Variants in VWA5A observed in about 807,000 individuals in gnomAD.
The protein encoded by VWA5A is von Willebrand factor A domain containing 5A.
In VWA5A, 77 loss-of-function variants were observed where a neutral mutation model predicts 84.6. The ratio of observed to expected loss-of-function variants is 0.91; its 90% CI spans 0.76 to 1.10. The LOEUF is 1.10. Ranked by LOEUF, VWA5A falls within the 50% of genes least tolerant of loss-of-function variation. The pLI, the probability that VWA5A is intolerant of heterozygous loss-of-function variation, is 0.00. For missense variants in VWA5A, 973 were observed against 963.0 expected, an observed-to-expected ratio of 1.01 and a Z score of -0.14; for synonymous variants, 334 against 350.1, an observed-to-expected ratio of 0.95 and a Z score of 0.51.
intron 15 of VWA5A, among the ~76,000 whole-genome samples, chr11:124,140,529 T>C (rs7130662): frequency 0.16 from 24,569 of 152,034 alleles, 2,278 homozygotes; most frequent in African/African-American, 0.27. Flanking sequence ...AGTAGTGTGA[T>C]TGTAGTTCAC....
At position 124,123,001 on chromosome 11, in the gene VWA5A, C is replaced by G. The variant is rs1449011276; in HGVS notation, c.802C>G (p.Pro268Ala). The G allele has an allele frequency of 6.2e-7, 1 of 1,614,040 alleles. No homozygotes were observed. The change falls in exon 8 of 19, where the codon CCA becomes GCA. Residue 268 changes from proline to alanine, a missense_variant. Pro to Ala is a conservative substitution (Grantham distance 27, BLOSUM62 -1). Coordinates refer to ENST00000456829, the MANE Select transcript of VWA5A (RefSeq NM_001130142.2). ...GDPSAMVSFYPNIPEDQPSNT... is the reference protein window; with the variant it reads ...GDPSAMVSFYANIPEDQPSNT... ...TCCATCTGCAATGGTGAGTTTCTAT[C>G]CAAATATCCCAGAAGATCAACCATC...
rs935345323 is a variant in VWA5A at position 124,141,887 on chromosome 11, C to T, written c.2023+146C>T. 5.8e-6 allele frequency: 7 copies of T among 1,199,732 alleles called. No homozygotes were observed. In the African/African-American group the frequency reaches 6.2e-5, roughly 11 times the overall value. 74.3% of individuals were successfully genotyped at this position (1,199,732 alleles called of 1,614,324 possible). On this transcript the variant is annotated intron_variant, in intron 16 of 18. Coordinates refer to ENST00000456829, the MANE Select transcript of VWA5A (RefSeq NM_001130142.2). ...CCCCATGCATTGGAAAAGATTCATT[C>T]CTCCACCCACAGAACCAGCCTGGAA... is the stretch of plus-strand genomic sequence containing the variant.
intron 11 of VWA5A, among the ~76,000 whole-genome samples, chr11:124,128,918 A>G (rs551143815): frequency 6.6e-6 from 1 of 152,352 alleles, no homozygotes; most frequent in Non-Finnish European, 1.5e-5. Flanking sequence ...CAATAATGTC[A>G]TCTGCAAACA....
chr11:124,137,343 AG>A (rs1357002530), intron 15 of VWA5A, 75 bp downstream of exon 15: 2 of 1,532,348 alleles, frequency 1.3e-6, no homozygotes, highest in African/African-American at 1.4e-5. Flanking sequence ...TTTAAAGGAA[AG>A]GGCTGTGAAA....
In VWA5A at chr11:124,141,205, T is replaced by C. The variant is rs572561065; in HGVS notation, c.1880-393T>C. Among the ~76,000 whole-genome samples, 10 of 152,314 alleles carry C rather than the reference T, an allele frequency of 6.6e-5. No individual in the cohort carries two copies. In the South Asian group the frequency reaches 1.0e-3, roughly 16 times the overall value. ...CGCATTTAATGATCTGGATGCAGCATCAGGGACTGAAGAGGTTGCCAACCC... is the reference window on the plus strand; with the variant it reads ...CGCATTTAATGATCTGGATGCAGCACCAGGGACTGAAGAGGTTGCCAACCC... On this transcript the variant is annotated intron_variant, in intron 15 of 18. Coordinates refer to ENST00000456829, the MANE Select transcript of VWA5A (RefSeq NM_001130142.2).
chr11:124,137,298 A>T, intron 15 of VWA5A, 30 bp downstream of exon 15: 1 of 1,600,706 alleles, frequency 6.2e-7, no homozygotes, highest in Non-Finnish European at 8.5e-7. Flanking sequence ...TCAAACTCAT[A>T]TAGAATAAAA....
intron 11 of VWA5A, among the ~76,000 whole-genome samples, chr11:124,125,935 T>G (rs1865012729): frequency 6.6e-6 from 1 of 152,208 alleles, no homozygotes; most frequent in Non-Finnish European, 1.5e-5. Flanking sequence ...CTATCCAAAG[T>G]TTCGTATTTT....
At chr11:124,118,450 C>A in intron 5 of VWA5A, 39 bp downstream of exon 5, 2 of 1,611,118 alleles carry the variant, frequency 1.2e-6, no homozygotes, top group Non-Finnish European at 8.5e-7. Context: ...TGGTGGGTGA[C>A]ATAAATGGGG....
chr11:124,136,766 C>CTCCT, intron 14 of VWA5A, 92 bp downstream of exon 14: 1 of 854,936 alleles, frequency 1.2e-6, no homozygotes, highest in East Asian at 3.0e-5. Context: ...CCCTCCCTCC[C>CTCCT]TCCCTCCCTC....
chr11:124,145,820 C>T, intron 18 of VWA5A, 46 bp from the exon 19 acceptor site: 1 of 1,545,596 alleles, frequency 6.5e-7, no homozygotes, highest in Non-Finnish European at 8.8e-7. Context: ...GGAGGAGCCT[C>T]TAATTGCAAT....
intron 11 of VWA5A, among the ~76,000 whole-genome samples, chr11:124,133,000 TA>T (rs1865120422): frequency 6.6e-6 from 1 of 152,240 alleles, no homozygotes; most frequent in African/African-American, 2.4e-5. Context: ...TAAGCTTGTA[TA>T]ATTCACAAGT....
chr11:124,123,396 C>T lies in VWA5A; in HGVS notation c.961C>T (p.Pro321Ser). ...ETLILLLKSL[P>S]IGCYFNIYGF... is the part of the protein sequence containing the mutation. The stretch of plus-strand genomic sequence containing the variant: ...ACTGATTTTGCTGCTGAAGAGTTTA[C>T]CTATAGGCTGTTATTTCAACATCTA... Residue 321 changes from proline to serine, a missense_variant, in exon 9 of 19, where the codon CCT (proline) becomes TCT (serine). Physicochemically the swap from Pro to Ser is moderately conservative, Grantham distance 74 (BLOSUM62 -1). Transcript: ENST00000456829. 1.2e-6 allele frequency: 2 copies of T among 1,613,980 alleles called. No individual in the cohort carries two copies. The highest frequency in any genetic ancestry group is 1.7e-6 in the Non-Finnish European group (2 of 1,179,992).
chr11:124,136,960 CTGGTATAT>C, intron 14 of VWA5A, 47 bp from the exon 15 acceptor site: 2 of 1,568,560 alleles, frequency 1.3e-6, no homozygotes, highest in Non-Finnish European at 1.7e-6. Flanking sequence ...CCCTGAGAAA[CTGGTATAT>C]GGATGTCTTT....
At chr11:124,138,862 A>G (rs756461555) in intron 15 of VWA5A, among the ~76,000 whole-genome samples, 4 of 152,282 alleles carry the variant, frequency 2.6e-5, no homozygotes, top group Middle Eastern at 3.4e-3. Flanking sequence ...GACCAATGTC[A>G]TAGATATTTT....
chr11:124,120,317 T>C (rs1864911714), intron 7 of VWA5A, among the ~76,000 whole-genome samples: 1 of 152,252 alleles, frequency 6.6e-6, no homozygotes, highest in Admixed American at 6.5e-5. Context: ...TGGGCTGCCA[T>C]GCTTCTGAGT....
chr11:124,129,864 C>T (rs1865072595), intron 11 of VWA5A, among the ~76,000 whole-genome samples: 1 of 151,892 alleles, frequency 6.6e-6, no homozygotes, highest in African/African-American at 2.4e-5. Context: ...CTATTTGATT[C>T]TTCTCTCTTT....
In VWA5A at chr11:124,136,194, G is replaced by A; in HGVS notation, c.1425G>A (p.Leu475=). 6.2e-7 allele frequency: 1 copy of A among 1,614,182 alleles called. No individual in the cohort carries two copies. Among genetic ancestry groups the A allele is most frequent in the Non-Finnish European group, 8.5e-7 (1 of 1,180,044 alleles). Residue 475 remains leucine (L), a synonymous_variant, in exon 13 of 19, where the codon TTG becomes TTA. Transcript: ENST00000456829. The part of the protein sequence containing the change: ...VVEDVSLSWH[L]PPGLSAKMLS... ...AGGATGTCTCTCTGAGCTGGCATTT[G>A]CCTCCTGGTCTGTCTGCTAAAATGC... is the stretch of plus-strand genomic sequence containing the variant.
chr11:124,135,522 C>CCTTTT (rs1330618929), intron 12 of VWA5A, among the ~76,000 whole-genome samples: 59 of 84,342 alleles, frequency 7.0e-4, no homozygotes, highest in South Asian at 9.7e-4. Context: ...GGTGGTATTT[C>CCTTTT]TTTTTTTTTT....
At chr11:124,129,232 G>C (rs1236512818) in intron 11 of VWA5A, among the ~76,000 whole-genome samples, 2 of 152,174 alleles carry the variant, frequency 1.3e-5, no homozygotes, top group Non-Finnish European at 2.9e-5. Flanking sequence ...CATCTGTTGA[G>C]ACAATCATGT....
Sources: gnomAD v4.1 joint callset for allele counts (sites outside exome capture counted in the v4.1 genomes callset) on GRCh38, gnomAD v4.1.1 for gene constraint, MANE v1.5 for transcripts, NCBI Gene and HGNC (gene_info 2026-07-23, HGNC 2026-07-21) for gene names.